Variants in HPSE2 observed in about 807,000 individuals in gnomAD.
HPSE2 encodes heparanase 2 (inactive).
Under a neutral mutation model 60.5 loss-of-function variants are expected in HPSE2, and 38 were observed. That is an observed-to-expected ratio of 0.63 (90% confidence interval 0.48 to 0.82). The LOEUF is 0.82. HPSE2 is among the 40% of genes least tolerant of loss of function. The pLI is 0.00. For missense variants in HPSE2, 713 were observed against 740.4 expected (o/e 0.96, Z 0.43); for synonymous variants, 295 against 293.2 (o/e 1.01, Z -0.06).
chr10:98,757,703 G>A (rs945362621), intron 3 of HPSE2, among the ~76,000 whole-genome samples: 2 of 151,700 alleles, frequency 1.3e-5, no homozygotes, highest in African/African-American at 2.4e-5. Context: ...ATATTAATAA[G>A]TGGAAAAACA....
At chr10:98,921,591 G>T (rs893695233) in intron 3 of HPSE2, among the ~76,000 whole-genome samples, 2 of 152,156 alleles carry the variant, frequency 1.3e-5, no homozygotes, top group African/African-American at 4.8e-5. Flanking sequence ...TGGTAAATAA[G>T]AATCCATAAA....
intron 3 of HPSE2, among the ~76,000 whole-genome samples, chr10:99,027,160 A>T (rs1346599879): frequency 1.3e-5 from 2 of 152,084 alleles, no homozygotes; most frequent in Non-Finnish European, 2.9e-5. Context: ...AAAATATACA[A>T]AAGATCAATG....
chr10:99,246,233 G>C, the HPSE2 span, among the ~76,000 whole-genome samples: 2 of 152,100 alleles, frequency 1.3e-5, no homozygotes, highest in East Asian at 1.9e-4. Context: ...AACCAATTAT[G>C]GGGGGGAAAA....
At chr10:98,597,624 T>C (rs537216518) in intron 9 of HPSE2, among the ~76,000 whole-genome samples, 69 of 151,302 alleles carry the variant, frequency 4.6e-4, no homozygotes, top group African/African-American at 1.6e-3. Context: ...TGAGCCGAGA[T>C]TGTGCCACTG....
chr10:99,173,269 A>G lies in HPSE2; in HGVS notation c.449-28870T>C, dbSNP rs140048762. ...CTATGCTCTAATAGCAGTATAAGGA[A>G]GATATTAGGAGAGCTGGGAAGCAAA... On this transcript the variant is annotated intron_variant, in intron 2 of 11. Transcript: ENST00000370552. Among the ~76,000 whole-genome samples, 31 of 152,298 alleles carry G rather than the reference A, an allele frequency of 2.0e-4. No individual in the cohort carries two copies. The East Asian group carries it at 5.2e-3, about 26-fold the overall frequency.
chr10:98,838,682 T>C (rs1589920617), intron 3 of HPSE2, among the ~76,000 whole-genome samples: 2 of 152,130 alleles, frequency 1.3e-5, no homozygotes, highest in African/African-American at 2.4e-5. Context: ...TCCTCCCACT[T>C]TGGCCTCCCA....
intron 3 of HPSE2, among the ~76,000 whole-genome samples, chr10:98,953,233 T>C (rs560277983): frequency 3.3e-5 from 5 of 152,316 alleles, no homozygotes; most frequent in African/African-American, 1.2e-4. Flanking sequence ...AAGATTTCCG[T>C]GAGAGCTGTA....
the HPSE2 span, among the ~76,000 whole-genome samples, chr10:99,269,595 G>A: frequency 2.8e-3 from 420 of 152,170 alleles, 4 homozygotes; most frequent in African/African-American, 9.4e-3. Context: ...CTATACCCTC[G>A]AGCAAATGAA....
At chr10:99,182,342 G>T (rs1161244311) in intron 2 of HPSE2, among the ~76,000 whole-genome samples, 1 of 152,086 alleles carries the variant, frequency 6.6e-6, no homozygotes, top group Non-Finnish European at 1.5e-5. Flanking sequence ...GCCCAAAAAA[G>T]TCAAATAACT....
intron 2 of HPSE2, among the ~76,000 whole-genome samples, chr10:99,191,710 G>A (rs1338739294): frequency 1.3e-5 from 2 of 152,110 alleles, no homozygotes; most frequent in African/African-American, 2.4e-5. Flanking sequence ...ACTCATCAAC[G>A]CCCAGACACC....
At chr10:98,871,602 T>C (rs947319308) in intron 3 of HPSE2, among the ~76,000 whole-genome samples, 8 of 152,200 alleles carry the variant, frequency 5.3e-5, no homozygotes, top group African/African-American at 1.9e-4. Flanking sequence ...TATTCCTTGA[T>C]TAAATGAATA....
chr10:99,006,046 G>A (rs993892851), intron 3 of HPSE2, among the ~76,000 whole-genome samples: 1 of 152,172 alleles, frequency 6.6e-6, no homozygotes, highest in South Asian at 2.1e-4. Context: ...AGGTCACAGA[G>A]GGTAGGCCTA....
At chr10:98,566,823 AC>A (rs1261665799) in intron 9 of HPSE2, among the ~76,000 whole-genome samples, 1 of 152,122 alleles carries the variant, frequency 6.6e-6, no homozygotes, top group Non-Finnish European at 1.5e-5. Context: ...AGGGGAGGTG[AC>A]TTAGTTCCTG....
chr10:99,077,728 GT>G (rs1842995459), intron 3 of HPSE2, among the ~76,000 whole-genome samples: 10 of 151,694 alleles, frequency 6.6e-5, no homozygotes, highest in Admixed American at 6.6e-4. Flanking sequence ...ATATGTGTGT[GT>G]GTGTGTGTAC....
At chr10:98,511,513 T>G (rs575011568) in intron 9 of HPSE2, among the ~76,000 whole-genome samples, 3 of 151,912 alleles carry the variant, frequency 2.0e-5, no homozygotes, top group Admixed American at 6.6e-5. Context: ...TATTCCACTA[T>G]GTACACAGGT....
At chr10:98,723,019 G>A (rs1216970228) in intron 4 of HPSE2, among the ~76,000 whole-genome samples, 1 of 152,196 alleles carries the variant, frequency 6.6e-6, no homozygotes, top group Admixed American at 6.5e-5. Flanking sequence ...GGAGTGGTGA[G>A]AGAGGGCATC....
Position 98,939,103 on chromosome 10 carries a change from A to G in HPSE2, c.611-195047T>C, listed in dbSNP as rs1270998616. 9.7e-5 allele frequency among the ~76,000 whole-genome samples: 14 copies of G among 144,170 alleles called. No homozygotes were observed. The East Asian group carries it at 2.8e-3, about 28-fold the overall frequency. 94.6% of individuals were successfully genotyped at this position (144,170 alleles called of 152,430 possible). A position where few individuals can be genotyped will look rare whatever the true frequency, so the allele number is the denominator to read the frequency against. On this transcript the variant is annotated intron_variant, in intron 3 of 11. Transcript: ENST00000370552. ...GAAGGAAGCACTAAACATGGAAAGG[A>G]ACAACCAGTTCCAGCCACTGCAAAA... is the stretch of plus-strand genomic sequence containing the variant.
At chr10:99,135,279 G>C (rs1442072533) in intron 3 of HPSE2, among the ~76,000 whole-genome samples, 1 of 152,118 alleles carries the variant, frequency 6.6e-6, no homozygotes, top group Non-Finnish European at 1.5e-5. Flanking sequence ...ACACCCCACT[G>C]TCAATATTAG....
intron 3 of HPSE2, among the ~76,000 whole-genome samples, chr10:98,951,543 A>G (rs1955356906): frequency 6.6e-6 from 1 of 152,166 alleles, no homozygotes; most frequent in Non-Finnish European, 1.5e-5. Flanking sequence ...AGAAGGATGC[A>G]AAAAAGCCTA....
Sources: allele counts gnomAD v4.1 joint callset (sites outside exome capture counted in the v4.1 genomes callset), GRCh38; gene constraint gnomAD v4.1.1; transcripts MANE v1.5; gene names NCBI Gene and HGNC (gene_info 2026-07-23, HGNC 2026-07-21).